LGR4: variants seen among roughly 807,000 people sequenced by gnomAD.
The protein encoded by LGR4 is leucine-rich repeat-containing G protein-coupled receptor 4.
LGR4 carries 44 observed loss-of-function variants against 84.8 expected under a neutral mutation model. The observed-to-expected ratio is 0.52, with a 90% CI of 0.41 to 0.67. The LOEUF (loss-of-function observed/expected upper bound fraction) is 0.67. Among genes scored for constraint, LGR4 ranks in the 30% least tolerant of loss-of-function variants. LGR4 has a pLI of 0.00. For missense variants in LGR4, 1,032 were observed against 1,131.4 expected (o/e 0.91, Z 1.26); for synonymous variants, 429 against 434.3 (o/e 0.99, Z 0.15).
intron 1 of LGR4, among the ~76,000 whole-genome samples, chr11:27,415,758 A>G (rs531101285): frequency 6.6e-6 from 1 of 152,080 alleles, no homozygotes; most frequent in Non-Finnish European, 1.5e-5. Context: ...GAGCTACAAG[A>G]TGTTATCTCC....
At chr11:27,378,407 C>T (rs779289250) in intron 11 of LGR4, among the ~76,000 whole-genome samples, 9 of 151,984 alleles carry the variant, frequency 5.9e-5, no homozygotes, top group Non-Finnish European at 1.3e-4. Context: ...CCTGGAGAAA[C>T]TAGAATAAAG....
chr11:27,382,495 A>G (rs943204349), intron 6 of LGR4, among the ~76,000 whole-genome samples: 1 of 152,238 alleles, frequency 6.6e-6, no homozygotes, highest in Non-Finnish European at 1.5e-5. Context: ...AGAAACTTAC[A>G]AGTTCAAATA....
chr11:27,372,665 G>A (rs542077888), intron 15 of LGR4, among the ~76,000 whole-genome samples: 1 of 152,166 alleles, frequency 6.6e-6, no homozygotes, highest in East Asian at 1.9e-4. Flanking sequence ...AAATTTAACA[G>A]CAGTACTGTA....
chr11:27,374,108 G>T (rs1862933686), intron 13 of LGR4, 62 bp from the exon 14 acceptor site: 1 of 1,047,376 alleles, frequency 9.5e-7, no homozygotes, highest in Admixed American at 1.7e-5. Flanking sequence ...CACTTACTTA[G>T]ACTATACTTT....
At chr11:27,401,802 G>T (rs954653371) in intron 2 of LGR4, among the ~76,000 whole-genome samples, 3 of 152,088 alleles carry the variant, frequency 2.0e-5, no homozygotes, top group Admixed American at 2.0e-4. Context: ...TGTCACCAAG[G>T]TCATATAGAA....
intron 4 of LGR4, among the ~76,000 whole-genome samples, chr11:27,388,357 T>C (rs1863224072): frequency 6.6e-6 from 1 of 152,108 alleles, no homozygotes; most frequent in Non-Finnish European, 1.5e-5. Flanking sequence ...AAATAACAGA[T>C]GAAGAAAATA....
Position 27,472,585 on chromosome 11 carries a change from G to T in LGR4, c.-283C>A. ...CCGGCCCGGCGCAGCGGCGGGGGCC[G>T]CGCTCTGCCATCGCACCGGTCTCCC... is the stretch of plus-strand genomic sequence containing the variant. On this transcript the variant is annotated 5_prime_UTR_variant, in exon 1 of 18. Transcript: ENST00000379214. 2.7e-6 allele frequency: 1 copy of T among 375,746 alleles called. No individual in the cohort carries two copies. Among genetic ancestry groups the T allele is most frequent in the Non-Finnish European group, 4.7e-6 (1 of 211,074 alleles). 23.3% of individuals were successfully genotyped at this position (375,746 alleles called of 1,614,324 possible).
intron 1 of LGR4, among the ~76,000 whole-genome samples, chr11:27,430,530 T>C (rs1474221519): frequency 6.6e-6 from 1 of 152,190 alleles, no homozygotes; most frequent in Admixed American, 6.5e-5. Flanking sequence ...GGAAATATAA[T>C]TTAAGCTTTT....
intron 17 of LGR4, 144 bp downstream of exon 17, chr11:27,371,471 C>A: frequency 3.8e-6 from 2 of 526,968 alleles, no homozygotes; most frequent in East Asian, 3.2e-5. Context: ...CTGGCTGGTA[C>A]GCAAAGCACA....
At chr11:27,373,395 T>C (rs1862920768) in intron 15 of LGR4, 156 bp downstream of exon 15, 1 of 609,926 alleles carries the variant, frequency 1.6e-6, no homozygotes, top group South Asian at 3.5e-5. Flanking sequence ...ATGTTCATAT[T>C]CTATTTTTCA....
chr11:27,382,927 G>A (rs1047406841), intron 6 of LGR4, among the ~76,000 whole-genome samples: 1 of 152,162 alleles, frequency 6.6e-6, no homozygotes, highest in Non-Finnish European at 1.5e-5. Context: ...TGAGACAGGA[G>A]AATCTCTTGA....
chr11:27,438,303 C>T (rs2133428932), intron 1 of LGR4, among the ~76,000 whole-genome samples: 1 of 152,312 alleles, frequency 6.6e-6, no homozygotes, highest in East Asian at 1.9e-4. Flanking sequence ...TTACCTAAGA[C>T]ATTTATACTC....
chr11:27,445,358 A>G (rs527722115), intron 1 of LGR4, among the ~76,000 whole-genome samples: 4 of 152,276 alleles, frequency 2.6e-5, no homozygotes, highest in African/African-American at 9.6e-5. Context: ...ATATATTTTC[A>G]ATATATTTGA....
chr11:27,459,617 C>T (rs1315789782), intron 1 of LGR4, among the ~76,000 whole-genome samples: 1 of 151,944 alleles, frequency 6.6e-6, no homozygotes, highest in East Asian at 2.0e-4. Flanking sequence ...GCTGGGATTA[C>T]AGGTGCCCAC....
intron 11 of LGR4, among the ~76,000 whole-genome samples, chr11:27,378,374 A>G (rs1271218804): frequency 6.6e-6 from 1 of 152,204 alleles, no homozygotes; most frequent in Non-Finnish European, 1.5e-5. Context: ...AGATGAAAGA[A>G]GGAGACTATG....
chr11:27,377,282 A>G, intron 11 of LGR4, 59 bp from the exon 12 acceptor site: 1 of 880,796 alleles, frequency 1.1e-6, no homozygotes, highest in Non-Finnish European at 1.8e-6. Flanking sequence ...ATATTAAAAG[A>G]GTGGTACTCA....
intron 3 of LGR4, 97 bp downstream of exon 3, chr11:27,392,350 A>C (rs1192887744): frequency 1.0e-6 from 1 of 962,874 alleles, no homozygotes; most frequent in Non-Finnish European, 1.5e-6. Context: ...TTAATCCTGA[A>C]CTAAAAGAAA....
chr11:27,472,325 G>A lies in LGR4; in HGVS notation c.-23C>T. ...CATTGCTGCGGCCGCCTCCCGCGCC[G>A]GCCTCTCCCGCGGCGCTGCTCGCTC... On this transcript the variant is annotated 5_prime_UTR_variant, in exon 1 of 18. Coordinates refer to ENST00000379214, the MANE Select transcript of LGR4 (RefSeq NM_018490.5). 1 of 1,196,876 alleles carries A rather than the reference G, an allele frequency of 8.4e-7. No individual in the cohort carries two copies. Among genetic ancestry groups the A allele is most frequent in the East Asian group, 3.5e-5 (1 of 28,284 alleles). 74.1% of individuals were successfully genotyped at this position (1,196,876 alleles called of 1,614,324 possible).
At chr11:27,465,682 C>T (rs1002666841) in intron 1 of LGR4, among the ~76,000 whole-genome samples, 3 of 152,178 alleles carry the variant, frequency 2.0e-5, no homozygotes, top group Non-Finnish European at 2.9e-5. Context: ...GCTAAAAAAT[C>T]ACGATCTGTC....
Sources: allele counts gnomAD v4.1 joint callset (sites outside exome capture counted in the v4.1 genomes callset), GRCh38; gene constraint gnomAD v4.1.1; transcripts MANE v1.5; gene names NCBI Gene and HGNC (gene_info 2026-07-23, HGNC 2026-07-21).